PIWIL2: variants seen among roughly 807,000 people sequenced by gnomAD.
PIWIL2 encodes the protein piwi-like protein 2.
In PIWIL2, 81 loss-of-function variants were observed where a neutral mutation model predicts 116.5. The observed-to-expected ratio is 0.70, with a 90% CI of 0.58 to 0.84. The LOEUF (loss-of-function observed/expected upper bound fraction) is 0.84. Among genes scored for constraint, PIWIL2 ranks in the 40% least tolerant of loss-of-function variants. The probability of loss-of-function intolerance (pLI) is 0.00; values close to 1 mark genes in which losing one functional copy is unlikely to be tolerated. For missense variants in PIWIL2, 1,272 were observed against 1,212.3 expected, an observed-to-expected ratio of 1.05 and a Z score of -0.73; for synonymous variants, 489 against 429.5, an observed-to-expected ratio of 1.14 and a Z score of -1.71.
At chr8:22,344,712 AAAAATG>A (rs916660966) in intron 20 of PIWIL2, among the ~76,000 whole-genome samples, 2 of 152,130 alleles carry the variant, frequency 1.3e-5, no homozygotes, top group African/African-American at 4.8e-5. Flanking sequence ...TACAAAAATA[AAAAATG>A]AAAATAAATT....
chr8:22,322,401 C>G (rs1259869071), intron 20 of PIWIL2, among the ~76,000 whole-genome samples: 1 of 152,120 alleles, frequency 6.6e-6, no homozygotes, highest in Non-Finnish European at 1.5e-5. Context: ...CAGGCACATA[C>G]CACCACACCC....
At chr8:22,333,553 G>A (rs181602441) in intron 20 of PIWIL2, among the ~76,000 whole-genome samples, 4 of 151,896 alleles carry the variant, frequency 2.6e-5, no homozygotes, top group South Asian at 2.1e-4. Context: ...CAGAGGTTGC[G>A]GTGAGCCAAT....
At chr8:22,278,826 C>G (rs1830435752) in intron 1 of PIWIL2, among the ~76,000 whole-genome samples, 1 of 152,140 alleles carries the variant, frequency 6.6e-6, no homozygotes, top group South Asian at 2.1e-4. Context: ...TGCAAACCCT[C>G]TTGTGAACTT....
At chr8:22,298,401 A>G (rs979741315) in intron 10 of PIWIL2, among the ~76,000 whole-genome samples, 1 of 152,270 alleles carries the variant, frequency 6.6e-6, no homozygotes, top group African/African-American at 2.4e-5. Flanking sequence ...ATTTTACGTA[A>G]GGAAGTAAGG....
chr8:22,318,038 A>G lies in PIWIL2; in HGVS notation c.2298-132A>G, dbSNP rs1475217924. On this transcript the variant is annotated intron_variant, in intron 19 of 22. Transcript: ENST00000356766. Reference sequence around the variant, plus strand: ...TGTCACTGCTTGTTCTTACATATAAATGCATTTTCTAGGTACTTGTTTTTG... The same window carrying G: ...TGTCACTGCTTGTTCTTACATATAAGTGCATTTTCTAGGTACTTGTTTTTG... The G allele has an allele frequency of 4.9e-5, 29 of 592,984 alleles. No individual in the cohort carries two copies. In the East Asian group the frequency reaches 6.8e-4, roughly 14 times the overall value. 36.7% of individuals were successfully genotyped at this position (592,984 alleles called of 1,614,324 possible). A position where few individuals can be genotyped will look rare whatever the true frequency, so the allele number is the denominator to read the frequency against.
Position 22,287,304 on chromosome 8 carries a change from T to C in PIWIL2, c.744-224T>C, listed in dbSNP as rs1563352125. On this transcript the variant is annotated intron_variant, in intron 6 of 22. Coordinates refer to ENST00000356766, the MANE Select transcript of PIWIL2 (RefSeq NM_018068.5). ...ACTGACGTGCTAAGGCAGGTGTCCT[T>C]TGGTGGTAGGATTTGGTGGTTTTTA... Among the ~76,000 whole-genome samples the C allele has an allele frequency of 2.6e-5, 4 of 152,124 alleles. No individual in the cohort carries two copies. The South Asian group carries it at 8.3e-4, about 32-fold the overall frequency.
At chr8:22,305,763 A>G (rs10106545) in intron 12 of PIWIL2, among the ~76,000 whole-genome samples, 164 bp from the exon 13 acceptor site, 2,006 of 152,252 alleles carry the variant, frequency 0.013, 59 homozygotes, top group African/African-American at 0.044. Flanking sequence ...GAGAAAGGTT[A>G]AAATACTTCT....
At chr8:22,318,069 A>T in intron 19 of PIWIL2, 101 bp from the exon 20 acceptor site, 1 of 672,818 alleles carries the variant, frequency 1.5e-6, no homozygotes. Context: ...TTTTGGATTG[A>T]TTGGTAGAGA....
chr8:22,329,009 G>A (rs1021689696), intron 20 of PIWIL2, among the ~76,000 whole-genome samples: 1 of 151,814 alleles, frequency 6.6e-6, no homozygotes, highest in Non-Finnish European at 1.5e-5. Context: ...GTATTGAATA[G>A]CAGTGCTAAA....
intron 10 of PIWIL2, among the ~76,000 whole-genome samples, chr8:22,300,717 T>A (rs1831026027): frequency 6.6e-6 from 1 of 152,194 alleles, no homozygotes; most frequent in Non-Finnish European, 1.5e-5. Flanking sequence ...GGTATCGAAT[T>A]GTGGTTTTGA....
intron 12 of PIWIL2, 110 bp from the exon 13 acceptor site, chr8:22,305,817 G>T: frequency 1.3e-6 from 1 of 746,718 alleles, no homozygotes; most frequent in Non-Finnish European, 2.4e-6. Context: ...ACTCCTTAGT[G>T]CGCAAGGTAT....
intron 6 of PIWIL2, among the ~76,000 whole-genome samples, chr8:22,286,885 G>A (rs1830640803): frequency 6.6e-6 from 1 of 152,014 alleles, no homozygotes; most frequent in Non-Finnish European, 1.5e-5. Flanking sequence ...GCCTCCCAAA[G>A]TGCTGGGATT....
intron 10 of PIWIL2, among the ~76,000 whole-genome samples, chr8:22,294,900 GAAAAAAA>G (rs57742067): frequency 4.1e-4 from 38 of 93,656 alleles, no homozygotes; most frequent in Non-Finnish European, 6.1e-4. Flanking sequence ...ATCTTTACTG[GAAAAAAA>G]AAAAAAAAAA....
At chr8:22,290,074 T>C (rs1233779243) in intron 9 of PIWIL2, 147 bp downstream of exon 9, 3 of 738,172 alleles carry the variant, frequency 4.1e-6, no homozygotes, top group Non-Finnish European at 6.8e-6. Flanking sequence ...AGTTTGGTTT[T>C]TCAGTAAGTT....
chr8:22,319,339 G>C (rs1432592883), intron 20 of PIWIL2, among the ~76,000 whole-genome samples: 1 of 152,134 alleles, frequency 6.6e-6, no homozygotes, highest in Non-Finnish European at 1.5e-5. Context: ...AGGTCCATAT[G>C]TTATGCTACT....
At chr8:22,337,842 C>T (rs1252250412) in intron 20 of PIWIL2, among the ~76,000 whole-genome samples, 1 of 152,120 alleles carries the variant, frequency 6.6e-6, no homozygotes, top group African/African-American at 2.4e-5. Flanking sequence ...CACCTGTAAT[C>T]CTAGCACTTT....
At chr8:22,300,469 A>C (rs2132022989) in intron 10 of PIWIL2, among the ~76,000 whole-genome samples, 1 of 152,310 alleles carries the variant, frequency 6.6e-6, no homozygotes, top group African/African-American at 2.4e-5. Context: ...TATAAATATT[A>C]GTGTACAAGT....
intron 22 of PIWIL2, among the ~76,000 whole-genome samples, chr8:22,355,075 AAAAAC>A (rs1346132273): frequency 2.6e-5 from 4 of 152,026 alleles, no homozygotes; most frequent in African/African-American, 9.7e-5. Context: ...GTCAAAAAAA[AAAAAC>A]AAAACAAAAA....
chr8:22,304,764 C>T lies in PIWIL2; in HGVS notation c.1371-20C>T, dbSNP rs753773839. ...TTGATGCTGCTTCTGAAATTTTTTC[C>T]TGCCTCTACTCTGCTCTAGCAAAAA... On this transcript the variant is annotated intron_variant, in intron 11 of 22. Coordinates refer to ENST00000356766, the MANE Select transcript of PIWIL2 (RefSeq NM_018068.5). 1.9e-6 allele frequency: 3 copies of T among 1,545,722 alleles called. No individual in the cohort carries two copies. Among genetic ancestry groups the T allele is most frequent in the Non-Finnish European group, 2.7e-6 (3 of 1,117,854 alleles).
Sources: gnomAD v4.1 joint callset for allele counts (sites outside exome capture counted in the v4.1 genomes callset) on GRCh38, gnomAD v4.1.1 for gene constraint, MANE v1.5 for transcripts, NCBI Gene and HGNC (gene_info 2026-07-23, HGNC 2026-07-21) for gene names.